DALRD3: variants seen among roughly 807,000 people sequenced by gnomAD.
DALRD3 encodes DALR anticodon-binding domain-containing protein 3.
In DALRD3, 47 loss-of-function variants were observed where a neutral mutation model predicts 56.7. The observed-to-expected ratio is 0.83, with a 90% CI of 0.66 to 1.06. The LOEUF (loss-of-function observed/expected upper bound fraction) is 1.06. Among genes scored for constraint, DALRD3 ranks in the 50% least tolerant of loss-of-function variants. The pLI, the probability that DALRD3 is intolerant of heterozygous loss-of-function variation, is 0.00. For missense variants in DALRD3, 787 were observed against 724.0 expected (o/e 1.09, Z -1.00); for synonymous variants, 347 against 308.5 (o/e 1.12, Z -1.31).
At chr3:49,020,069 G>T, upstream of DALRD3, 1 of 522,356 alleles carries the variant, frequency 1.9e-6, no homozygotes. Context: ...GAAATCCGGA[G>T]AGCAGGGAAA....
At chr3:49,020,392 G>GC, upstream of DALRD3, 1 of 406,190 alleles carries the variant, frequency 2.5e-6, no homozygotes. Flanking sequence ...GGCTGAGGCA[G>GC]CCCTGGGGGA....
In DALRD3 at chr3:49,017,672, T is replaced by G; in HGVS notation, c.659A>C (p.Glu220Ala). 1.2e-6 allele frequency: 2 copies of G among 1,614,186 alleles called. No homozygotes were observed. The highest frequency in any genetic ancestry group is 1.7e-6 in the Non-Finnish European group (2 of 1,180,022). The change falls in exon 3 of 12, where the codon GAG becomes GCG. Residue 220 changes from glutamate (E) to alanine (A), a missense_variant. Physicochemically the swap from Glu to Ala is moderately radical, Grantham distance 107. Transcript: ENST00000341949. ...TGTGCGGCCCTGTTCTTCCACCAGC[T>G]CCTTCAGACACAGTCTGCCTAGGAT... The part of the protein sequence containing the change: ...PGILGRLCLK[E>A]LVEEQGRTAG...
Position 49,018,276 on chromosome 3 carries a change from G to C in DALRD3, c.208C>G (p.Pro70Ala), listed in dbSNP as rs1011518563. 2.8e-6 allele frequency: 4 copies of C among 1,445,890 alleles called. No homozygotes were observed. Among genetic ancestry groups the C allele is most frequent in the Admixed American group, 2.8e-5 (1 of 35,446 alleles). 89.6% of individuals were successfully genotyped at this position (1,445,890 alleles called of 1,614,324 possible). The change falls in exon 2 of 12, where the codon CCC (proline) becomes GCC (alanine). Residue 70 changes from proline (P) to alanine (A), a missense_variant. Pro to Ala is a conservative substitution (Grantham distance 27, BLOSUM62 -1). Coordinates refer to ENST00000341949, the MANE Select transcript of DALRD3 (RefSeq NM_001009996.3). ...CAGCGCAGCACCGGGGCCACACCGG[G>C]GCCCTGCAGGCAGGCGAGGGCATGG... Reference protein sequence around the residue: ...LLHALACLQGPGVAPVLRCAP... With the variant: ...LLHALACLQGAGVAPVLRCAP...
At position 49,018,405 on chromosome 3, in the gene DALRD3, C is replaced by G; in HGVS notation, c.160G>C (p.Gly54Arg). 3.2e-6 allele frequency: 5 copies of G among 1,568,490 alleles called. No individual in the cohort carries two copies. Among genetic ancestry groups the G allele is most frequent in the Non-Finnish European group, 4.3e-6 (5 of 1,159,056 alleles). The change falls in exon 1 of 12, where the codon GGC becomes CGC. Residue 54 changes from glycine (G) to arginine (R), a missense_variant. Gly to Arg is a moderately radical substitution (Grantham distance 125). Coordinates refer to ENST00000341949, the MANE Select transcript of DALRD3 (RefSeq NM_001009996.3). ...CCCGCCCGGCTCACGCCCACCTGGC[C>G]GTCATCGAAGCGCGCCTGCAGCGCG... ...HRALQARFDDGQVPEHLLHAL... is the reference protein window; with the variant it reads ...HRALQARFDDRQVPEHLLHAL...
rs2093114326 is a variant in DALRD3, at chr3:49,018,227, G to A, written c.257C>T (p.Ser86Phe). The A allele has an allele frequency of 6.9e-7, 1 of 1,441,300 alleles. No homozygotes were observed. The highest frequency in any genetic ancestry group is 9.0e-7 in the Non-Finnish European group (1 of 1,106,530). The allele number at this position is 1,441,300 out of a possible 1,614,324, so 89.3% of individuals were successfully genotyped here. A position where few individuals can be genotyped will look rare whatever the true frequency, so the allele number is the denominator to read the frequency against. ...GACGGCGGACCGCTGCAGTTGGAGA[G>A]ACAGACCCGCGGGGGTCGGCGCGCA... ...LRCAPTPAGL[S>F]LQLQRSAVFE... The change falls in exon 2 of 12, where the codon TCT (serine) becomes TTT (phenylalanine). Residue 86 changes from serine (S) to phenylalanine (F), a missense_variant. Coordinates refer to ENST00000341949, the MANE Select transcript of DALRD3 (RefSeq NM_001009996.3).
chr3:49,017,490 GCA>G lies in DALRD3; in HGVS notation c.740_741del (p.Val247AlafsTer3). 6.2e-7 allele frequency: 1 copy of G among 1,614,144 alleles called. No homozygotes were observed. Among genetic ancestry groups the G allele is most frequent in the South Asian group, 1.1e-5 (1 of 91,088 alleles). Reference sequence around the variant, plus strand: ...CATAGAGCCTCTTGCAGCTCAGCCAGCACAGAGAGGAGATCCTCAGTCACTGA... The same window carrying G: ...CATAGAGCCTCTTGCAGCTCAGCCAGCAGAGAGGAGATCCTCAGTCACTGA... ...NCLVTEDLLS[V>X]LAELQEALWH... On this transcript the variant is annotated frameshift_variant, in exon 4 of 12. Transcript: ENST00000341949. LOFTEE classifies it high-confidence loss of function.
Position 49,018,488 on chromosome 3 carries a change from C to T in DALRD3, c.77G>A (p.Trp26Ter). Residue 26 changes from tryptophan to a stop codon, truncating the protein, a stop_gained, in exon 1 of 12, where the codon TGG (tryptophan) becomes TAG (stop). Coordinates refer to ENST00000341949, the MANE Select transcript of DALRD3 (RefSeq NM_001009996.3). LOFTEE classifies it high-confidence loss of function. ...GTGGCGGGTGCGCGTCTCCTTGATC[C>T]ACACCGGACCGCCTGGCCCCAGGGC... ...NAALGPGGPV[W>*]IKETRTRHLR... 1.3e-6 allele frequency: 2 copies of T among 1,586,790 alleles called. No individual in the cohort carries two copies. The highest frequency in any genetic ancestry group is 8.6e-7 in the Non-Finnish European group (1 of 1,166,528).
chr3:49,017,590 C>T (rs907268407), intron 3 of DALRD3, 23 bp downstream of exon 3: 4 of 1,613,972 alleles, frequency 2.5e-6, no homozygotes, highest in South Asian at 2.2e-5. Context: ...CCTTTTCTGG[C>T]CCTGCTAGGC....
chr3:49,018,214 C>A lies in DALRD3; in HGVS notation c.270G>T (p.Gln90His), dbSNP rs2093114144. The change falls in exon 2 of 12, where the codon CAG becomes CAT. Residue 90 changes from glutamine (Q) to histidine (H), a missense_variant. By Grantham distance (24) the Gln-to-His change is conservative. Transcript: ENST00000341949. ...GGACGCGCTCGAAGACGGCGGACCG[C>A]TGCAGTTGGAGAGACAGACCCGCGG... Reference protein sequence around the residue: ...PTPAGLSLQLQRSAVFERVLS... With the variant: ...PTPAGLSLQLHRSAVFERVLS... 6.9e-7 allele frequency: 1 copy of A among 1,444,426 alleles called. No individual in the cohort carries two copies. The allele number at this position is 1,444,426 out of a possible 1,614,324, so 89.5% of individuals were successfully genotyped here. A position where few individuals can be genotyped will look rare whatever the true frequency, so the allele number is the denominator to read the frequency against.
upstream of DALRD3, chr3:49,021,036 T>G (rs934275312): frequency 6.2e-6 from 1 of 160,514 alleles, no homozygotes; most frequent in African/African-American, 2.4e-5. The surrounding 1 kb of genome is among the most constrained non-coding windows in gnomAD (Gnocchi z 4.1). Context: ...GGAGAGGAAG[T>G]AAACCCGCGC....
chr3:49,018,666 A>T (rs868434716), upstream of DALRD3: 13 of 1,434,398 alleles, frequency 9.1e-6, no homozygotes, highest in Middle Eastern at 1.6e-3. Context: ...TGGTCCCCGT[A>T]AGTGGACAGG....
Position 49,015,816 on chromosome 3 carries a change from T to C in DALRD3, c.1500A>G (p.Val500=). The C allele has an allele frequency of 5.6e-6, 9 of 1,614,140 alleles. No individual in the cohort carries two copies. The highest frequency in any genetic ancestry group is 1.1e-5 in the South Asian group (1 of 91,076). ...GCTGTGTGCTCACCCCCAGGATGTG[T>C]ACCCGGTTGTAGTAGGAGCTGAAAT... The part of the protein sequence containing the change: ...SMDFSSYYNR[V]HILGEPRPHL... Residue 500 remains valine (V), a synonymous_variant, in exon 11 of 12, where the codon GTA becomes GTG. Coordinates refer to ENST00000341949, the MANE Select transcript of DALRD3 (RefSeq NM_001009996.3).
In DALRD3 at chr3:49,017,343, T is replaced by C; in HGVS notation, c.812A>G (p.Asp271Gly). 6.2e-7 allele frequency: 1 copy of C among 1,614,214 alleles called. No homozygotes were observed. Among genetic ancestry groups the C allele is most frequent in the South Asian group, 1.1e-5 (1 of 91,084 alleles). ...AACCAGGCAGCCGCCTGTACCAGTA[T>C]CTGAGGCCCCAGCCTAAGGGAGGAC... The part of the protein sequence containing the change: ...DSHPGLAGAS[D>G]TGTGGCLVVH... Residue 271 changes from aspartate to glycine, a missense_variant, in exon 5 of 12, where the codon GAT becomes GGT. Coordinates refer to ENST00000341949, the MANE Select transcript of DALRD3 (RefSeq NM_001009996.3).
At chr3:49,020,804 A>T (rs1346479365), upstream of DALRD3, 1 of 390,298 alleles carries the variant, frequency 2.6e-6, no homozygotes, top group African/African-American at 2.1e-5. Flanking sequence ...AAGACCCGGG[A>T]GTAGGTTGTG....
At chr3:49,016,953 T>G in intron 5 of DALRD3, 106 bp from the exon 6 acceptor site, 2 of 1,343,526 alleles carry the variant, frequency 1.5e-6, no homozygotes, top group African/African-American at 1.4e-5. Context: ...TCCCTCAAAT[T>G]GGAACTGCCA....
At chr3:49,018,355 G>T (rs3923475) in intron 1 of DALRD3, 37 bp from the exon 2 acceptor site, 147,694 of 1,516,260 alleles carry the variant, frequency 0.097, 7,798 homozygotes, top group Non-Finnish European at 0.11. Context: ...GCCACGGCAC[G>T]GGGCCCATCT....
At chr3:49,020,663 T>A (rs1342877473), upstream of DALRD3, 2 of 493,678 alleles carry the variant, frequency 4.1e-6, no homozygotes, top group Admixed American at 4.4e-5. Flanking sequence ...TGGAATGCTC[T>A]GGAGACAACA....
intron 5 of DALRD3, 97 bp downstream of exon 5, chr3:49,017,131 G>C: frequency 3.2e-6 from 5 of 1,549,498 alleles, no homozygotes; most frequent in Non-Finnish European, 4.4e-6. Flanking sequence ...GTCAAGTGTT[G>C]GTTTCTGTCA....
Position 49,018,235 on chromosome 3 carries a change from C to T in DALRD3, c.249G>A (p.Ala83=). ...APVLRCAPTP[A]GLSLQLQRSA... is the part of the protein sequence containing the mutation. Reference sequence around the variant, plus strand: ...ACCGCTGCAGTTGGAGAGACAGACCCGCGGGGGTCGGCGCGCAGCGCAGCA... The same window carrying T: ...ACCGCTGCAGTTGGAGAGACAGACCTGCGGGGGTCGGCGCGCAGCGCAGCA... The change falls in exon 2 of 12, where the codon GCG becomes GCA. Residue 83 remains alanine, a synonymous_variant. Transcript: ENST00000341949. The T allele has an allele frequency of 1.4e-6, 2 of 1,438,096 alleles. No homozygotes were observed. The highest frequency in any genetic ancestry group is 1.8e-6 in the Non-Finnish European group (2 of 1,104,492). 89.1% of individuals were successfully genotyped at this position (1,438,096 alleles called of 1,614,324 possible).
Sources: allele counts gnomAD v4.1 joint callset, GRCh38; gene constraint gnomAD v4.1.1; non-coding constraint Gnocchi (gnomAD v3.1); transcripts MANE v1.5; gene names NCBI Gene and HGNC (gene_info 2026-07-23, HGNC 2026-07-21).